Variants in TBC1D19 observed in about 807,000 individuals in gnomAD.
TBC1D19 encodes the protein TBC1 domain family member 19, also known as TBC1 domain family, member 19.
TBC1D19 carries 60 observed loss-of-function variants against 89.0 expected under a neutral mutation model. The observed-to-expected ratio is 0.67, with a 90% CI of 0.55 to 0.84. The LOEUF (loss-of-function observed/expected upper bound fraction) is 0.84. Among genes scored for constraint, TBC1D19 ranks in the 40% least tolerant of loss-of-function variants. The pLI, the probability that TBC1D19 is intolerant of heterozygous loss-of-function variation, is 0.00. For synonymous variants in TBC1D19, 189 were observed against 199.7 expected, an observed-to-expected ratio of 0.95 and a Z score of 0.45; for missense variants, 500 against 610.8, an observed-to-expected ratio of 0.82 and a Z score of 1.91.
intron 7 of TBC1D19, among the ~76,000 whole-genome samples, chr4:26,651,466 C>A (rs1214080139): frequency 6.6e-6 from 1 of 152,098 alleles, no homozygotes; most frequent in Non-Finnish European, 1.5e-5. Context: ...GTATTTTATT[C>A]TCTTTGTAGC....
the TBC1D19 span, among the ~76,000 whole-genome samples, chr4:26,813,341 C>A: frequency 4.0e-4 from 61 of 152,318 alleles, no homozygotes; most frequent in African/African-American, 1.4e-3. Flanking sequence ...CTTATCCCTC[C>A]TTCACAATTC....
intron 7 of TBC1D19, among the ~76,000 whole-genome samples, chr4:26,653,884 A>G (rs765771668): frequency 9.2e-5 from 14 of 152,110 alleles, no homozygotes; most frequent in Non-Finnish European, 1.6e-4. Context: ...TTTAAGGTTA[A>G]TATTGTTATG....
At chr4:26,791,436 A>G in the TBC1D19 span, among the ~76,000 whole-genome samples, 1 of 152,272 alleles carries the variant, frequency 6.6e-6, no homozygotes, top group African/African-American at 2.4e-5. Flanking sequence ...CCTGAAGTGG[A>G]AGCCACTAAA....
chr4:26,850,951 G>A, the TBC1D19 span, among the ~76,000 whole-genome samples: 1 of 152,128 alleles, frequency 6.6e-6, no homozygotes, highest in African/African-American at 2.4e-5. Context: ...CCCTCAATGT[G>A]AGCAGGCACC....
chr4:26,745,497 C>CTT (rs71186486), intron 18 of TBC1D19, among the ~76,000 whole-genome samples: 1,197 of 40,612 alleles, frequency 0.029, 453 homozygotes, highest in African/African-American at 0.082. Flanking sequence ...CAATATACTT[C>CTT]TTTTTTTTTT....
intron 15 of TBC1D19, among the ~76,000 whole-genome samples, chr4:26,723,512 C>T (rs1332872294): frequency 1.3e-5 from 2 of 152,094 alleles, no homozygotes; most frequent in Admixed American, 6.6e-5. Flanking sequence ...TCACCACTAC[C>T]CCCAACATGC....
At chr4:26,621,267 C>T (rs562667527) in intron 4 of TBC1D19, among the ~76,000 whole-genome samples, 103 of 152,260 alleles carry the variant, frequency 6.8e-4, no homozygotes, top group African/African-American at 2.4e-3. Flanking sequence ...GCACATGCCC[C>T]TAGCTCTTTT....
At chr4:26,845,846 T>C in the TBC1D19 span, among the ~76,000 whole-genome samples, 1 of 152,210 alleles carries the variant, frequency 6.6e-6, no homozygotes, top group Non-Finnish European at 1.5e-5. Context: ...ACTTATTTAC[T>C]ACCATGAGAA....
the TBC1D19 span, among the ~76,000 whole-genome samples, chr4:26,776,287 A>AT: frequency 1.3e-5 from 2 of 152,010 alleles, no homozygotes; most frequent in South Asian, 2.1e-4. Flanking sequence ...TATATATATA[A>AT]TTTTTTTCTG....
chr4:26,685,966 A>T (rs1055112423), intron 12 of TBC1D19, among the ~76,000 whole-genome samples: 3 of 152,186 alleles, frequency 2.0e-5, no homozygotes, highest in African/African-American at 7.2e-5. Context: ...AGAAGGAAGT[A>T]ATTTGTGCCT....
chr4:26,651,700 T>C (rs1744398400), intron 7 of TBC1D19, among the ~76,000 whole-genome samples: 2 of 152,164 alleles, frequency 1.3e-5, no homozygotes, highest in Non-Finnish European at 2.9e-5. Context: ...TGAATACCCT[T>C]TATTTCCTTC....
intron 12 of TBC1D19, 60 bp from the exon 13 acceptor site, chr4:26,688,285 T>G (rs1713989991): frequency 6.6e-7 from 1 of 1,510,052 alleles, no homozygotes; most frequent in Non-Finnish European, 8.9e-7. Context: ...ATGTGTATGC[T>G]TTAGTACTAC....
At chr4:26,697,452 A>C (rs998072000) in intron 13 of TBC1D19, among the ~76,000 whole-genome samples, 1 of 152,204 alleles carries the variant, frequency 6.6e-6, no homozygotes, top group Non-Finnish European at 1.5e-5. Flanking sequence ...AGCTGGTACC[A>C]TTCCTTCTGA....
At chr4:26,607,852 A>G (rs1741108868) in intron 1 of TBC1D19, among the ~76,000 whole-genome samples, 1 of 152,162 alleles carries the variant, frequency 6.6e-6, no homozygotes, top group Non-Finnish European at 1.5e-5. Flanking sequence ...ATAATTCTAC[A>G]CCGGTCCTTT....
chr4:26,606,775 A>G (rs1357924448), intron 1 of TBC1D19, among the ~76,000 whole-genome samples: 1 of 152,198 alleles, frequency 6.6e-6, no homozygotes, highest in Admixed American at 6.5e-5. Context: ...GCATGATAGC[A>G]TAGTGAAAAG....
At chr4:26,632,201 C>T (rs1295710008) in intron 4 of TBC1D19, among the ~76,000 whole-genome samples, 1 of 151,894 alleles carries the variant, frequency 6.6e-6, no homozygotes, top group East Asian at 1.9e-4. Context: ...TTGTACAGTA[C>T]AGCTGACCCT....
intron 1 of TBC1D19, among the ~76,000 whole-genome samples, chr4:26,598,111 A>G (rs193227360): frequency 3.4e-4 from 52 of 152,316 alleles, no homozygotes; most frequent in African/African-American, 1.2e-3. Context: ...TATTTAGTCA[A>G]TATTATTCAT....
In TBC1D19 at chr4:26,659,659, T is replaced by A. The variant is rs150100634; in HGVS notation, c.543T>A (p.His181Gln). Residue 181 changes from histidine (H) to glutamine (Q), a missense_variant, in exon 8 of 21, where the codon CAT becomes CAA. By Grantham distance (24) the His-to-Gln change is conservative. Coordinates refer to ENST00000264866, the MANE Select transcript of TBC1D19 (RefSeq NM_018317.4). Reference protein sequence around the residue: ...ENGDSLSFRTHLGLIQVPLKV... With the variant: ...ENGDSLSFRTQLGLIQVPLKV... ...GTGATTCTCTTAGTTTCAGGACTCA[T>A]TTGGGTTTAATTCAAGTTCCACTGA... 6 of 1,595,726 alleles carry A rather than the reference T, an allele frequency of 3.8e-6. No individual in the cohort carries two copies. Among genetic ancestry groups the A allele is most frequent in the Non-Finnish European group, 5.1e-6 (6 of 1,167,028 alleles).
chr4:26,590,796 G>GTTTTTTTTTTTTGTTTTTTTTTTTTT (rs1739724314), intron 1 of TBC1D19, among the ~76,000 whole-genome samples: 3 of 52,958 alleles, frequency 5.7e-5, no homozygotes, highest in South Asian at 8.3e-4. Context: ...TTGCAGGTCT[G>GTTTTTTTTTTTTGTTTTTTTTTTTTT]TTTTTTTTTT....
Sources: allele counts gnomAD v4.1 joint callset (sites outside exome capture counted in the v4.1 genomes callset), GRCh38; gene constraint gnomAD v4.1.1; transcripts MANE v1.5; gene names NCBI Gene and HGNC (gene_info 2026-07-23, HGNC 2026-07-21).